MPDZ: variants seen among roughly 807,000 people sequenced by gnomAD.
MPDZ encodes the protein multiple PDZ domain protein.
A neutral mutation model predicts 239.1 loss-of-function variants in MPDZ; 234 were observed. The observed-to-expected ratio is 0.98, with a 90% CI of 0.88 to 1.09. The LOEUF (loss-of-function observed/expected upper bound fraction) is 1.09. Ranked by LOEUF, MPDZ falls within the 50% of genes least tolerant of loss-of-function variation. The pLI is 0.00. For missense variants in MPDZ, 3,175 were observed against 2,510.0 expected, an observed-to-expected ratio of 1.26 and a Z score of -5.66; for synonymous variants, 1,048 against 881.3, an observed-to-expected ratio of 1.19 and a Z score of -3.35.
intron 28 of MPDZ, among the ~76,000 whole-genome samples, chr9:13,138,371 G>C (rs564761770): frequency 3.3e-5 from 5 of 152,298 alleles, no homozygotes; most frequent in Admixed American, 2.0e-4. Flanking sequence ...AGGGTGCAGA[G>C]AGCACAATGT....
At chr9:13,214,064 C>T (rs1051651869) in intron 10 of MPDZ, among the ~76,000 whole-genome samples, 1 of 151,934 alleles carries the variant, frequency 6.6e-6, no homozygotes, top group Non-Finnish European at 1.5e-5. Context: ...CAATTCCACT[C>T]CTAAGTATAC....
At chr9:13,136,320 G>GTTTTATTTTTTTT in intron 30 of MPDZ, 138 bp from the exon 31 acceptor site, 1 of 193,264 alleles carries the variant, frequency 5.2e-6, no homozygotes, top group South Asian at 1.3e-4. Context: ...ATTTACAAAC[G>GTTTTATTTTTTTT]TTTTCTTTTT....
chr9:13,137,551 C>A (rs1947002673), intron 29 of MPDZ, among the ~76,000 whole-genome samples: 1 of 152,070 alleles, frequency 6.6e-6, no homozygotes, highest in African/African-American at 2.4e-5. Flanking sequence ...TAACCTTGAC[C>A]CCACCCCACC....
At chr9:13,174,357 T>C (rs1430410214) in intron 21 of MPDZ, among the ~76,000 whole-genome samples, 1 of 152,198 alleles carries the variant, frequency 6.6e-6, no homozygotes, top group Non-Finnish European at 1.5e-5. Flanking sequence ...AGTATTAAAA[T>C]AAATGTTTGC....
chr9:13,153,567 AGC>A (rs1478819927), intron 24 of MPDZ, among the ~76,000 whole-genome samples: 1 of 152,046 alleles, frequency 6.6e-6, no homozygotes, highest in African/African-American at 2.4e-5. Flanking sequence ...GGAACTCCTA[AGC>A]TCAAGTAATC....
At chr9:13,242,502 A>G (rs1965665034) in intron 3 of MPDZ, among the ~76,000 whole-genome samples, 1 of 151,922 alleles carries the variant, frequency 6.6e-6, no homozygotes, top group Non-Finnish European at 1.5e-5. Context: ...CCAGCCTGTT[A>G]GGATGATTTT....
chr9:13,216,227 T>G (rs1358850727), intron 10 of MPDZ, among the ~76,000 whole-genome samples: 1 of 151,626 alleles, frequency 6.6e-6, no homozygotes, highest in Non-Finnish European at 1.5e-5. Context: ...GTGCCTTGAA[T>G]AGCCATGTTT....
chr9:13,264,968 A>G (rs1042883766), intron 1 of MPDZ, among the ~76,000 whole-genome samples: 1 of 152,336 alleles, frequency 6.6e-6, no homozygotes, highest in African/African-American at 2.4e-5. Flanking sequence ...GCCAAGACAC[A>G]AGATGCCAGG....
Position 13,106,807 on chromosome 9 carries a change from A to G in MPDZ, c.*158T>C. The stretch of plus-strand genomic sequence containing the variant: ...AATGATGTTAGGTTGTCAGTAAGGA[A>G]AGCATTTCTAGATGAGAAAAAGAAA... On this transcript the variant is annotated 3_prime_UTR_variant, in exon 47 of 47. Transcript: ENST00000319217. The G allele has an allele frequency of 1.4e-6, 1 of 725,166 alleles. No homozygotes were observed. The highest frequency in any genetic ancestry group is 2.2e-6 in the Non-Finnish European group (1 of 463,310). The allele number at this position is 725,166 out of a possible 1,614,324, so 44.9% of individuals were successfully genotyped here. A position where few individuals can be genotyped will look rare whatever the true frequency, so the allele number is the denominator to read the frequency against.
Position 13,150,609 on chromosome 9 carries a change from T to A in MPDZ, c.3532A>T (p.Asn1178Tyr). Residue 1178 changes from asparagine to tyrosine, a missense_variant, in exon 25 of 47, where the codon AAT (asparagine) becomes TAT (tyrosine). Coordinates refer to ENST00000319217, the MANE Select transcript of MPDZ (RefSeq NM_001378778.1). ...GGRGMGSRLS[N>Y]GEVMRGIFIK... ...AAAATGCCCCTCATCACTTCTCCAT[T>A]GCTTAGCCGACTCCCCATCCCTCGT... The A allele has an allele frequency of 6.5e-7, 1 of 1,545,586 alleles. No individual in the cohort carries two copies. Among genetic ancestry groups the A allele is most frequent in the Middle Eastern group, 1.7e-4 (1 of 5,816 alleles).
At chr9:13,152,546 G>T (rs554784328) in intron 24 of MPDZ, among the ~76,000 whole-genome samples, 19 of 152,058 alleles carry the variant, frequency 1.2e-4, no homozygotes, top group African/African-American at 4.6e-4. Context: ...TGATTGTGAG[G>T]CCTCCCAAGT....
intron 27 of MPDZ, among the ~76,000 whole-genome samples, chr9:13,140,400 ATATATATATG>A (rs935074466): frequency 1.2e-4 from 17 of 143,878 alleles, no homozygotes; most frequent in African/African-American, 4.2e-4. Flanking sequence ...ATACATATAT[ATATATATATG>A]TATATATATG....
chr9:13,228,444 C>CGACT (rs1961319417), intron 3 of MPDZ, among the ~76,000 whole-genome samples: 1 of 152,028 alleles, frequency 6.6e-6, no homozygotes, highest in African/African-American at 2.4e-5. Flanking sequence ...AAGATGCAGT[C>CGACT]AGAACCAGTA....
In MPDZ at chr9:13,122,180, C is replaced by G. The variant is rs764537136; in HGVS notation, c.4954-10G>C. ...GGATAATAATGGCACCCTAAGGGCC[C>G]AAACAAAACATACCCATACTTATCC... On this transcript the variant is annotated splice_polypyrimidine_tract_variant and intron_variant, in intron 36 of 46. Coordinates refer to ENST00000319217, the MANE Select transcript of MPDZ (RefSeq NM_001378778.1). 3.1e-6 allele frequency: 5 copies of G among 1,612,264 alleles called. No individual in the cohort carries two copies. In the South Asian group the frequency reaches 4.4e-5, roughly 14 times the overall value.
chr9:13,116,967 T>C (rs1383092794), intron 39 of MPDZ, among the ~76,000 whole-genome samples: 3 of 152,180 alleles, frequency 2.0e-5, no homozygotes, highest in African/African-American at 7.2e-5. Flanking sequence ...GGGGAATATG[T>C]TCTAAGACCC....
intron 1 of MPDZ, among the ~76,000 whole-genome samples, chr9:13,256,529 A>C (rs1397373553): frequency 6.6e-6 from 1 of 152,196 alleles, no homozygotes; most frequent in African/African-American, 2.4e-5. Flanking sequence ...CTTAGAGGCT[A>C]TTGCAGGGTT....
chr9:13,154,676 G>T (rs948459396), intron 24 of MPDZ, among the ~76,000 whole-genome samples: 4 of 152,068 alleles, frequency 2.6e-5, no homozygotes, highest in Admixed American at 2.6e-4. Flanking sequence ...GGTTGTGGTG[G>T]TGATGAAGGT....
At position 13,106,871 on chromosome 9, in the gene MPDZ, G is replaced by A; in HGVS notation, c.*94C>T. ...TCCCCCCTACAGTTTTGAAGACCCG[G>A]CTGAACACAGCATAAAAATTGTCAG... On this transcript the variant is annotated 3_prime_UTR_variant, in exon 47 of 47. Coordinates refer to ENST00000319217, the MANE Select transcript of MPDZ (RefSeq NM_001378778.1). The A allele has an allele frequency of 7.1e-7, 1 of 1,413,896 alleles. No homozygotes were observed. Among genetic ancestry groups the A allele is most frequent in the South Asian group, 1.4e-5 (1 of 70,098 alleles). The allele number at this position is 1,413,896 out of a possible 1,614,324, so 87.6% of individuals were successfully genotyped here.
chr9:13,189,420 T>C (rs1310145275), intron 16 of MPDZ, among the ~76,000 whole-genome samples: 1 of 151,986 alleles, frequency 6.6e-6, no homozygotes, highest in Non-Finnish European at 1.5e-5. Context: ...GTAGGACCCA[T>C]CCTTTTGAAA....
Sources: allele counts gnomAD v4.1 joint callset (sites outside exome capture counted in the v4.1 genomes callset), GRCh38; gene constraint gnomAD v4.1.1; transcripts MANE v1.5; gene names NCBI Gene and HGNC (gene_info 2026-07-23, HGNC 2026-07-21).